EPB41L4B: variants seen among roughly 807,000 people sequenced by gnomAD.
The protein encoded by EPB41L4B is erythrocyte membrane protein band 4.1 like 4B.
In EPB41L4B, 30 loss-of-function variants were observed where a neutral mutation model predicts 112.5. The ratio of observed to expected loss-of-function variants is 0.27; its 90% CI spans 0.20 to 0.36. The LOEUF (loss-of-function observed/expected upper bound fraction) is 0.36, where lower values mean the gene tolerates loss of function less well. Among genes scored for constraint, EPB41L4B ranks in the 10% least tolerant of loss-of-function variants. The probability of loss-of-function intolerance (pLI) is 1.00; values close to 1 mark genes in which losing one functional copy is unlikely to be tolerated. For synonymous variants in EPB41L4B, 408 were observed against 439.7 expected (o/e 0.93, Z 0.90); for missense variants, 1,024 against 1,133.3 (o/e 0.90, Z 1.38).
At chr9:109,200,181 AAAC>A (rs1832773185) in intron 20 of EPB41L4B, 52 bp downstream of exon 20, 1 of 1,457,366 alleles carries the variant, frequency 6.9e-7, no homozygotes, top group Admixed American at 1.7e-5. Context: ...ATTTGTATCT[AAAC>A]AATTAGTCAT....
intron 1 of EPB41L4B, among the ~76,000 whole-genome samples, chr9:109,312,052 A>G (rs1348130298): frequency 6.6e-6 from 1 of 152,234 alleles, no homozygotes; most frequent in East Asian, 1.9e-4. Flanking sequence ...CACACACAGC[A>G]GAGAATAAGA....
intron 25 of EPB41L4B, among the ~76,000 whole-genome samples, chr9:109,175,468 A>ACACACAC (rs1831785103): frequency 7.7e-6 from 1 of 129,306 alleles, no homozygotes. Context: ...CCACTGTTTA[A>ACACACAC]ACACACACAC....
At chr9:109,317,059 C>T (rs577979502) in intron 1 of EPB41L4B, among the ~76,000 whole-genome samples, 18 of 152,128 alleles carry the variant, frequency 1.2e-4, no homozygotes, top group African/African-American at 4.3e-4. Flanking sequence ...GAGCTGTGGT[C>T]GTACTACTGC....
At chr9:109,262,736 T>C (rs777390838) in intron 6 of EPB41L4B, among the ~76,000 whole-genome samples, 2 of 152,224 alleles carry the variant, frequency 1.3e-5, no homozygotes, top group Non-Finnish European at 2.9e-5. Flanking sequence ...CTTCACTCTG[T>C]AGCATCACTC....
At chr9:109,237,604 G>A (rs993608567) in intron 15 of EPB41L4B, among the ~76,000 whole-genome samples, 1 of 152,174 alleles carries the variant, frequency 6.6e-6, no homozygotes, top group Non-Finnish European at 1.5e-5. Flanking sequence ...GCTGAATGAT[G>A]CCTGTGGGGA....
At chr9:109,284,746 A>T (rs1254541333) in intron 1 of EPB41L4B, among the ~76,000 whole-genome samples, 1 of 152,240 alleles carries the variant, frequency 6.6e-6, no homozygotes, top group Non-Finnish European at 1.5e-5. Context: ...GGCAGTTGTC[A>T]GAGACCAAAT....
chr9:109,293,195 G>T (rs1184645270), intron 1 of EPB41L4B, among the ~76,000 whole-genome samples: 1 of 152,180 alleles, frequency 6.6e-6, no homozygotes, highest in African/African-American at 2.4e-5. Context: ...TTACCAGAAT[G>T]AAAACCATAT....
At chr9:109,240,028 C>T (rs1316923749) in intron 15 of EPB41L4B, 2 of 985,252 alleles carry the variant, frequency 2.0e-6, no homozygotes, top group Admixed American at 6.2e-5. Flanking sequence ...GATCTTGCTC[C>T]ACCCACCTAA....
intron 1 of EPB41L4B, among the ~76,000 whole-genome samples, chr9:109,315,771 G>T (rs1256934140): frequency 6.6e-6 from 1 of 152,008 alleles, no homozygotes; most frequent in African/African-American, 2.4e-5. Flanking sequence ...AGAGGTTTCA[G>T]TCCTAAAATT....
Position 109,174,477 on chromosome 9 carries a change from G to A in EPB41L4B, c.*77C>T, listed in dbSNP as rs1278288550. 7.5e-7 allele frequency: 1 copy of A among 1,337,178 alleles called. No homozygotes were observed. The allele number at this position is 1,337,178 out of a possible 1,614,324, so 82.8% of individuals were successfully genotyped here. A position where few individuals can be genotyped will look rare whatever the true frequency, so the allele number is the denominator to read the frequency against. On this transcript the variant is annotated 3_prime_UTR_variant, in exon 26 of 26. Coordinates refer to ENST00000374566, the MANE Select transcript of EPB41L4B (RefSeq NM_019114.5). ...GAGCACACACTTGTATGCTGTGCTA[G>A]AGTGAGCACACAAAGCCCGAAGAAA...
chr9:109,195,531 A>C (rs1251731083), intron 20 of EPB41L4B, among the ~76,000 whole-genome samples: 4 of 152,238 alleles, frequency 2.6e-5, no homozygotes, highest in Admixed American at 2.6e-4. Context: ...CACATAGATG[A>C]CATAGGTCAG....
chr9:109,185,597 G>T lies in EPB41L4B; in HGVS notation c.2310C>A (p.Pro770=). The T allele has an allele frequency of 6.2e-7, 1 of 1,608,490 alleles. No individual in the cohort carries two copies. Among genetic ancestry groups the T allele is most frequent in the South Asian group, 1.1e-5 (1 of 90,078 alleles). ...AGTGGGCACAGTGGGGGTTGCTGGC[G>T]GGCTCTGCCTGCTCACGAGGAGAGG... ...DFTEATPLAE[P]ASNPHCAHSR... is the part of the protein sequence containing the mutation. The change falls in exon 23 of 26, where the codon CCC becomes CCA. Residue 770 remains proline, a synonymous_variant. Coordinates refer to ENST00000374566, the MANE Select transcript of EPB41L4B (RefSeq NM_019114.5).
chr9:109,174,616 T>C lies in EPB41L4B; in HGVS notation c.2641A>G (p.Thr881Ala). The change falls in exon 26 of 26, where the codon ACA becomes GCA. Residue 881 changes from threonine (T) to alanine (A), a missense_variant. By Grantham distance (58) the Thr-to-Ala change is moderately conservative. Coordinates refer to ENST00000374566, the MANE Select transcript of EPB41L4B (RefSeq NM_019114.5). ...KPVSLAASAE[T>A]LRQELEREKM... is the part of the protein sequence containing the mutation. The stretch of plus-strand genomic sequence containing the variant: ...TCTCTCTCCAGTTCCTGCCGGAGTG[T>C]CTCTGCACTAAAAAAAAGTATGTGA... 3.1e-6 allele frequency: 5 copies of C among 1,613,904 alleles called. No individual in the cohort carries two copies. The highest frequency in any genetic ancestry group is 4.2e-6 in the Non-Finnish European group (5 of 1,179,890).
rs1168147660 is a variant in EPB41L4B, at chr9:109,251,491, C to T, written c.1300G>A (p.Ala434Thr). 1 of 1,613,966 alleles carries T rather than the reference C, an allele frequency of 6.2e-7. No individual in the cohort carries two copies. Among genetic ancestry groups the T allele is most frequent in the Non-Finnish European group, 8.5e-7 (1 of 1,179,924 alleles). ...TFKASNPVIA[A>T]QLCSKTNPEV... ...CTCAAGGACACTCACCAGAGCTGGGCTGCTATCACTGGGTTGCTTGCTATA... is the reference window on the plus strand; with the variant it reads ...CTCAAGGACACTCACCAGAGCTGGGTTGCTATCACTGGGTTGCTTGCTATA... The change falls in exon 13 of 26, where the codon GCC (alanine) becomes ACC (threonine). Residue 434 changes from alanine (A) to threonine (T), a missense_variant. By Grantham distance (58) the Ala-to-Thr change is moderately conservative. Transcript: ENST00000374566.
At chr9:109,242,559 A>G (rs1834390339) in intron 15 of EPB41L4B, among the ~76,000 whole-genome samples, 1 of 152,354 alleles carries the variant, frequency 6.6e-6, no homozygotes, top group African/African-American at 2.4e-5. Flanking sequence ...TTATTACTCC[A>G]CTAACCTAAT....
intron 14 of EPB41L4B, among the ~76,000 whole-genome samples, chr9:109,247,241 A>ATAAATTT (rs1269587025): frequency 6.6e-6 from 1 of 151,948 alleles, no homozygotes; most frequent in East Asian, 1.9e-4. Flanking sequence ...TGGGGAAACA[A>ATAAATTT]TACATTTAAA....
chr9:109,299,984 C>A (rs1326163093), intron 1 of EPB41L4B, among the ~76,000 whole-genome samples: 1 of 152,164 alleles, frequency 6.6e-6, no homozygotes, highest in Non-Finnish European at 1.5e-5. Context: ...AAATAACACC[C>A]AAGTGGATTC....
chr9:109,266,999 T>G (rs1835431228), intron 4 of EPB41L4B, among the ~76,000 whole-genome samples: 1 of 146,088 alleles, frequency 6.8e-6, no homozygotes, highest in Admixed American at 6.8e-5. Context: ...AAAAAGAAAT[T>G]CAGGGGAGTT....
chr9:109,239,792 C>T, intron 15 of EPB41L4B: 1 of 983,252 alleles, frequency 1.0e-6, no homozygotes, highest in Non-Finnish European at 1.2e-6. Flanking sequence ...CAGGAGCCCA[C>T]AGATAAGGGT....
Sources: allele counts gnomAD v4.1 joint callset (sites outside exome capture counted in the v4.1 genomes callset), GRCh38; gene constraint gnomAD v4.1.1; transcripts MANE v1.5; gene names NCBI Gene and HGNC (gene_info 2026-07-23, HGNC 2026-07-21).